The following ZFHX3 variants were observed in gnomAD, a reference collection of about 807,000 sequenced individuals.
ZFHX3 encodes the protein zinc finger homeobox protein 3.
ZFHX3 carries 42 observed loss-of-function variants against 279.1 expected under a neutral mutation model. The observed-to-expected ratio is 0.15, with a 90% confidence interval of 0.12 to 0.19. ZFHX3 has a LOEUF of 0.19. Ranked by LOEUF, ZFHX3 falls within the 10% of genes least tolerant of loss-of-function variation. The pLI is 1.00. For missense variants in ZFHX3, 4,981 were observed against 4,754.0 expected (o/e 1.05, Z -1.40); for synonymous variants, 2,293 against 1,957.8 (o/e 1.17, Z -4.52).
chr16:73,696,536 C>A (rs2053199264), intron 1 of ZFHX3, among the ~76,000 whole-genome samples: 1 of 152,220 alleles, frequency 6.6e-6, no homozygotes, highest in African/African-American at 2.4e-5. Flanking sequence ...CTCTAACTCA[C>A]AACCATTCAG....
intron 5 of ZFHX3, among the ~76,000 whole-genome samples, chr16:72,813,175 A>G (rs976397759): frequency 5.3e-5 from 8 of 152,186 alleles, no homozygotes; most frequent in Non-Finnish European, 7.3e-5. Flanking sequence ...GTTTAAAGCA[A>G]TAAGAAAAAA....
At chr16:73,348,640 A>G (rs570078132) in intron 3 of ZFHX3, among the ~76,000 whole-genome samples, 3 of 152,350 alleles carry the variant, frequency 2.0e-5, no homozygotes, top group Admixed American at 6.5e-5. Flanking sequence ...TTTTCTGCAC[A>G]CGGTGCAATT....
chr16:73,007,548 G>A (rs991125999), intron 1 of ZFHX3, among the ~76,000 whole-genome samples: 2 of 152,100 alleles, frequency 1.3e-5, no homozygotes, highest in African/African-American at 4.8e-5. Context: ...CCGGGTTCAC[G>A]CAATTCTCCT....
At chr16:73,681,608 G>A (rs770897478) in intron 1 of ZFHX3, among the ~76,000 whole-genome samples, 5 of 152,222 alleles carry the variant, frequency 3.3e-5, no homozygotes, top group Non-Finnish European at 5.9e-5. Context: ...CCTTGCTAAC[G>A]GCTAAGTCTG....
intron 3 of ZFHX3, among the ~76,000 whole-genome samples, chr16:72,927,844 A>G (rs913158018): frequency 2.6e-5 from 4 of 151,958 alleles, no homozygotes; most frequent in African/African-American, 9.7e-5. Flanking sequence ...GGCATGTCGA[A>G]ATCAAAGGGG....
intron 1 of ZFHX3, among the ~76,000 whole-genome samples, chr16:72,960,537 C>T (rs897162773): frequency 1.3e-5 from 2 of 152,092 alleles, no homozygotes; most frequent in Non-Finnish European, 2.9e-5. Context: ...CAGTGGAGAA[C>T]GGACGCGTCA....
intron 1 of ZFHX3, among the ~76,000 whole-genome samples, chr16:73,705,526 A>G (rs2053294554): frequency 6.6e-6 from 1 of 152,186 alleles, no homozygotes; most frequent in Non-Finnish European, 1.5e-5. Context: ...CTGAGTGGCC[A>G]TATTTCCTAT....
intron 3 of ZFHX3, among the ~76,000 whole-genome samples, chr16:72,905,496 G>A (rs1321409870): frequency 6.6e-6 from 1 of 152,012 alleles, no homozygotes; most frequent in Non-Finnish European, 1.5e-5. Context: ...CTATTAAACT[G>A]ACAAATAATT....
At chr16:73,435,818 G>C (rs996358875) in intron 3 of ZFHX3, among the ~76,000 whole-genome samples, 1 of 152,206 alleles carries the variant, frequency 6.6e-6, no homozygotes, top group Admixed American at 6.5e-5. Context: ...TTAGGAATCT[G>C]CTATTTGGGG....
Position 73,103,296 on chromosome 16 carries a change from A to T in ZFHX3, c.-896-9698T>A, listed in dbSNP as rs1232851747. On this transcript the variant is annotated intron_variant, in intron 7 of 17. Coordinates refer to the ZFHX3 transcript ENST00000641206. The stretch of plus-strand genomic sequence containing the variant: ...AGGCTTAAAATCCTGGGCCGTGAGT[A>T]TCTCAGGTTCCCAGCCTTGTCTCCC... Among the ~76,000 whole-genome samples, 3 of 152,032 alleles carry T rather than the reference A, an allele frequency of 2.0e-5. No homozygotes were observed. The South Asian group carries it at 6.2e-4, about 32-fold the overall frequency.
chr16:73,227,848 C>CAA (rs398029895), intron 5 of ZFHX3, among the ~76,000 whole-genome samples: 2,717 of 45,300 alleles, frequency 0.06, 278 homozygotes, highest in East Asian at 0.074. Context: ...GATTCTGTCT[C>CAA]AAAAAAAAAA....
rs56139326 is a variant in ZFHX3, at chr16:73,773,045, G to C, written c.-1607-92805C>G. ...TGGGTCCTTAGACCCAGGCTGATCA[G>C]TGCAGGGGCTGTTAGCCACATGGGG... On this transcript the variant is annotated intron_variant, in intron 1 of 17. Transcript: ENST00000641206. Among the ~76,000 whole-genome samples, 5 of 152,216 alleles carry C rather than the reference G, an allele frequency of 3.3e-5. No individual in the cohort carries two copies. In the East Asian group the frequency reaches 7.7e-4, roughly 23 times the overall value.
chr16:73,339,724 TC>T (rs1339991982), intron 3 of ZFHX3, among the ~76,000 whole-genome samples: 2 of 152,302 alleles, frequency 1.3e-5, no homozygotes, highest in South Asian at 2.1e-4. Context: ...CAGGATGTTC[TC>T]CTGGTCATTT....
chr16:73,029,604 G>T (rs1414855143), intron 1 of ZFHX3, among the ~76,000 whole-genome samples: 2 of 152,140 alleles, frequency 1.3e-5, no homozygotes, highest in Admixed American at 6.5e-5. Context: ...TTTATCTGGA[G>T]ATTTCTTCCC....
chr16:73,329,185 G>C (rs1250218326), intron 3 of ZFHX3, among the ~76,000 whole-genome samples: 1 of 152,214 alleles, frequency 6.6e-6, no homozygotes, highest in Non-Finnish European at 1.5e-5. Flanking sequence ...TAAATGTAAG[G>C]GTGGCGAACC....
At chr16:72,986,951 G>A (rs971035205) in intron 1 of ZFHX3, among the ~76,000 whole-genome samples, 1 of 152,130 alleles carries the variant, frequency 6.6e-6, no homozygotes, top group African/African-American at 2.4e-5. Context: ...TTTGAGATCA[G>A]CCTGGGTAAC....
At position 73,433,406 on chromosome 16, in the gene ZFHX3, A is replaced by G. The variant is rs560301623; in HGVS notation, c.-1291+22597T>C. 5.9e-5 allele frequency among the ~76,000 whole-genome samples: 9 copies of G among 152,306 alleles called. No homozygotes were observed. The East Asian group carries it at 1.7e-3, about 29-fold the overall frequency. Reference sequence around the variant, plus strand: ...ATCATTTGCATCTTGCAGGTAGACAATAGATACCGCATCAAAAACATGCAC... The same window carrying G: ...ATCATTTGCATCTTGCAGGTAGACAGTAGATACCGCATCAAAAACATGCAC... On this transcript the variant is annotated intron_variant, in intron 3 of 17. Coordinates refer to the ZFHX3 transcript ENST00000641206.
chr16:73,833,086 T>C (rs1961042466), intron 1 of ZFHX3, among the ~76,000 whole-genome samples: 1 of 152,210 alleles, frequency 6.6e-6, no homozygotes, highest in African/African-American at 2.4e-5. Flanking sequence ...AGCAATTATT[T>C]CAAAAATTTA....
chr16:73,459,818 AC>A (rs2018441885), intron 2 of ZFHX3, among the ~76,000 whole-genome samples: 1 of 151,986 alleles, frequency 6.6e-6, no homozygotes, highest in African/African-American at 2.4e-5. Context: ...AGAGCCCCTT[AC>A]AAAACCATCA....
Sources: gnomAD v4.1 joint callset for allele counts (sites outside exome capture counted in the v4.1 genomes callset) on GRCh38, gnomAD v4.1.1 for gene constraint, MANE v1.5 for transcripts, NCBI Gene and HGNC (gene_info 2026-07-23, HGNC 2026-07-21) for gene names.